RHD: variants seen among roughly 807,000 people sequenced by gnomAD.
The protein encoded by RHD is blood group Rh(D) polypeptide.
In RHD, 16 loss-of-function variants were observed where a neutral mutation model predicts 45.5. The observed-to-expected ratio is 0.35, with a 90% CI of 0.24 to 0.53. RHD has a LOEUF of 0.53. Among genes scored for constraint, RHD ranks in the 20% least tolerant of loss-of-function variants. RHD has a pLI of 0.92. For missense variants in RHD, 306 were observed against 532.0 expected, an observed-to-expected ratio of 0.58 and a Z score of 4.18; for synonymous variants, 131 against 217.5, an observed-to-expected ratio of 0.60 and a Z score of 3.50.
intron 5 of RHD, among the ~76,000 whole-genome samples, chr1:25,303,034 G>A (rs1366842985): frequency 1.5e-5 from 2 of 131,330 alleles, no homozygotes; most frequent in African/African-American, 5.2e-5. Context: ...CCACTAATGA[G>A]TGTGATGGGT....
At chr1:25,319,243 G>T (rs1430480798) in intron 8 of RHD, among the ~76,000 whole-genome samples, 1 of 131,930 alleles carries the variant, frequency 7.6e-6, no homozygotes, top group African/African-American at 2.6e-5. Context: ...GAGAATAGAG[G>T]AAAAGACAAT....
chr1:25,321,385 G>C (rs1644690528), intron 8 of RHD, among the ~76,000 whole-genome samples: 1 of 124,512 alleles, frequency 8.0e-6, no homozygotes, highest in Admixed American at 8.0e-5. Context: ...AATCGGCCAG[G>C]TGTGGTGGCT....
rs1292293621 is a variant in RHD at position 25,277,832 on chromosome 1, G to A, written c.148+5137G>A. ...TGGGATTACAGGCATGCGCCACCAC[G>A]CCCGGCTAATTTTGTATTTTTAGTA... On this transcript the variant is annotated intron_variant, in intron 1 of 9. Transcript: ENST00000328664. Among the ~76,000 whole-genome samples the A allele has an allele frequency of 4.0e-5, 5 of 125,440 alleles. 1 individual carries two copies. Among genetic ancestry groups the A allele is most frequent in the African/African-American group, 1.4e-4 (5 of 36,988 alleles). The allele number at this position is 125,440 out of a possible 152,430, so 82.3% of individuals were successfully genotyped here. A position where few individuals can be genotyped will look rare whatever the true frequency, so the allele number is the denominator to read the frequency against.
At position 25,284,024 on chromosome 1, in the gene RHD, C is replaced by T. The variant is rs1399199186; in HGVS notation, c.149-549C>T. On this transcript the variant is annotated intron_variant, in intron 1 of 9. Transcript: ENST00000328664. ...CTGCCAGCCAGCTCACCAGGTCCCT[C>T]GCAGCAGGCGGCAAAGGGAGGGAGG... is the stretch of plus-strand genomic sequence containing the variant. 3.0e-5 allele frequency among the ~76,000 whole-genome samples: 4 copies of T among 135,008 alleles called. 1 individual carries two copies. The highest frequency in any genetic ancestry group is 1.9e-4 in the East Asian group (1 of 5,162). 88.6% of individuals were successfully genotyped at this position (135,008 alleles called of 152,430 possible). A position where few individuals can be genotyped will look rare whatever the true frequency, so the allele number is the denominator to read the frequency against.
rs1641514717 is a variant in RHD at position 25,281,877 on chromosome 1, C to G, written c.149-2696C>G. ...CCTCCCTTGTCCTCTCTGGCAGACC[C>G]TGGGTATGTGTATGTTTCAATGGAA... On this transcript the variant is annotated intron_variant, in intron 1 of 9. Transcript: ENST00000328664. 1.5e-5 allele frequency among the ~76,000 whole-genome samples: 2 copies of G among 132,526 alleles called. 1 individual carries two copies. The allele number at this position is 132,526 out of a possible 152,430, so 86.9% of individuals were successfully genotyped here. A position where few individuals can be genotyped will look rare whatever the true frequency, so the allele number is the denominator to read the frequency against.
Position 25,277,823 on chromosome 1 carries a change from C to T in RHD, c.148+5128C>T, listed in dbSNP as rs59336189. Among the ~76,000 whole-genome samples the T allele has an allele frequency of 1.3e-3, 155 of 123,946 alleles. 22 individuals carry two copies. Among genetic ancestry groups the T allele is most frequent in the African/African-American group, 3.8e-3 (139 of 36,582 alleles). The allele number at this position is 123,946 out of a possible 152,430, so 81.3% of individuals were successfully genotyped here. ...CCGAGTAGCTGGGATTACAGGCATGCGCCACCACGCCCGGCTAATTTTGTA... is the reference window on the plus strand; with the variant it reads ...CCGAGTAGCTGGGATTACAGGCATGTGCCACCACGCCCGGCTAATTTTGTA... On this transcript the variant is annotated intron_variant, in intron 1 of 9. Transcript: ENST00000328664.
intron 1 of RHD, among the ~76,000 whole-genome samples, chr1:25,282,532 G>A (rs1309978823): frequency 7.6e-6 from 1 of 132,334 alleles, no homozygotes; most frequent in African/African-American, 2.6e-5. Flanking sequence ...TCAACTGGTG[G>A]CAATTTAGTG....
chr1:25,314,061 A>G lies in RHD; in HGVS notation c.1074-2939A>G, dbSNP rs2427762. ...CTCCTATGAACATTCTAGCACTTTT[A>G]TTTTTGGAGCACACGAATGCACTTC... On this transcript the variant is annotated intron_variant, in intron 7 of 9. Transcript: ENST00000328664. 4.5e-5 allele frequency among the ~76,000 whole-genome samples: 6 copies of G among 132,768 alleles called. 1 individual carries two copies. Among genetic ancestry groups the G allele is most frequent in the East Asian group, 3.9e-4 (2 of 5,116 alleles). 87.1% of individuals were successfully genotyped at this position (132,768 alleles called of 152,430 possible).
At chr1:25,321,239 T>C (rs1380288644) in intron 8 of RHD, among the ~76,000 whole-genome samples, 2 of 127,508 alleles carry the variant, frequency 1.6e-5, no homozygotes, top group African/African-American at 5.3e-5. Context: ...AGCCCATATG[T>C]CTTACATGGA....
Position 25,283,512 on chromosome 1 carries a change from C to CGA in RHD, c.149-1059_149-1058dup, listed in dbSNP as rs1557519394. ...TGCCACTGTACTCCAGCCTGGGTGACGAGTGAAACTCTATCTCGATATTAA... is the reference window on the plus strand; with the variant it reads ...TGCCACTGTACTCCAGCCTGGGTGACGAGAGTGAAACTCTATCTCGATATTAA... On this transcript the variant is annotated intron_variant, in intron 1 of 9. Transcript: ENST00000328664. 2.4e-5 allele frequency among the ~76,000 whole-genome samples: 3 copies of CGA among 126,000 alleles called. 1 individual carries two copies. Among genetic ancestry groups the CGA allele is most frequent in the Non-Finnish European group, 5.5e-5 (3 of 54,816 alleles). The allele number at this position is 126,000 out of a possible 152,430, so 82.7% of individuals were successfully genotyped here.
intron 2 of RHD, among the ~76,000 whole-genome samples, chr1:25,286,857 G>A (rs1330192860): frequency 7.4e-6 from 1 of 134,364 alleles, no homozygotes; most frequent in Non-Finnish European, 1.8e-5. Context: ...ACTTTAGGAG[G>A]CCTAGCAGGT....
rs1354000252 is a variant in RHD at position 25,291,623 on chromosome 1, G to T, written c.486+832G>T. 2.3e-5 allele frequency among the ~76,000 whole-genome samples: 3 copies of T among 132,644 alleles called. 1 individual carries two copies. The highest frequency in any genetic ancestry group is 5.3e-5 in the Non-Finnish European group (3 of 56,086). 87.0% of individuals were successfully genotyped at this position (132,644 alleles called of 152,430 possible). On this transcript the variant is annotated intron_variant, in intron 3 of 9. Coordinates refer to ENST00000328664, the MANE Select transcript of RHD (RefSeq NM_016124.6). Reference sequence around the variant, plus strand: ...AATCCTGTAGGATTGTGCTATTCATGATATAATTATGGTTATATAAAAGTA... The same window carrying T: ...AATCCTGTAGGATTGTGCTATTCATTATATAATTATGGTTATATAAAAGTA...
rs866581061 is a variant in RHD, at chr1:25,314,454, G to A, written c.1074-2546G>A. On this transcript the variant is annotated intron_variant, in intron 7 of 9. Transcript: ENST00000328664. ...TTATTGATTTGTAGGAATTCCTTACGTATCCTGGATATGAATCCCACTTTG... is the reference window on the plus strand; with the variant it reads ...TTATTGATTTGTAGGAATTCCTTACATATCCTGGATATGAATCCCACTTTG... Among the ~76,000 whole-genome samples the A allele has an allele frequency of 1.7e-4, 23 of 132,276 alleles. 4 individuals carry two copies. Among genetic ancestry groups the A allele is most frequent in the Admixed American group, 5.2e-4 (7 of 13,570 alleles). The allele number at this position is 132,276 out of a possible 152,430, so 86.8% of individuals were successfully genotyped here. A position where few individuals can be genotyped will look rare whatever the true frequency, so the allele number is the denominator to read the frequency against.
intron 1 of RHD, among the ~76,000 whole-genome samples, chr1:25,281,992 AG>A (rs1641524002): frequency 7.5e-6 from 1 of 132,640 alleles, no homozygotes; most frequent in South Asian, 2.3e-4. Flanking sequence ...TATCAAGGCC[AG>A]GGCTGGAGAC....
At position 25,299,382 on chromosome 1, in the gene RHD, A is replaced by AAAAT. The variant is rs530289550; in HGVS notation, c.487-1546_487-1543dup. Among the ~76,000 whole-genome samples the AAAAT allele has an allele frequency of 3.6e-3, 476 of 130,606 alleles. 68 individuals are homozygous for AAAAT. Among genetic ancestry groups the AAAAT allele is most frequent in the African/African-American group, 0.012 (441 of 37,986 alleles). 85.7% of individuals were successfully genotyped at this position (130,606 alleles called of 152,430 possible). On this transcript the variant is annotated intron_variant, in intron 3 of 9. Transcript: ENST00000328664. ...GGCGACAGAGTGAGACTCCGTCTCA[A>AAAAT]AAATAAATAAATAAATAAATACAAA...
Position 25,273,262 on chromosome 1 carries a change from A to G in RHD, c.148+567A>G, listed in dbSNP as rs1414118067. 2.4e-5 allele frequency among the ~76,000 whole-genome samples: 3 copies of G among 126,034 alleles called. 1 individual carries two copies. Among genetic ancestry groups the G allele is most frequent in the African/African-American group, 8.1e-5 (3 of 37,120 alleles). 82.7% of individuals were successfully genotyped at this position (126,034 alleles called of 152,430 possible). ...GCAATCTTCCCACCTCAGCCTCCCA[A>G]GAAGCTGGGACCACAGGAGGGCACC... is the stretch of plus-strand genomic sequence containing the variant. On this transcript the variant is annotated intron_variant, in intron 1 of 9. Coordinates refer to ENST00000328664, the MANE Select transcript of RHD (RefSeq NM_016124.6).
Position 25,282,925 on chromosome 1 carries a change from G to C in RHD, c.149-1648G>C, listed in dbSNP as rs1194719524. On this transcript the variant is annotated intron_variant, in intron 1 of 9. Coordinates refer to ENST00000328664, the MANE Select transcript of RHD (RefSeq NM_016124.6). ...AAAAATTGTCTACATGCTGGTTGCA[G>C]AAAATTTAAACACTAAAACTAAAAA... Among the ~76,000 whole-genome samples the C allele has an allele frequency of 1.4e-4, 19 of 131,082 alleles. 1 individual carries two copies. The highest frequency in any genetic ancestry group is 4.9e-4 in the African/African-American group (19 of 38,554). The allele number at this position is 131,082 out of a possible 152,430, so 86.0% of individuals were successfully genotyped here.
At chr1:25,289,073 T>A (rs1417936575) in intron 2 of RHD, among the ~76,000 whole-genome samples, 1 of 132,512 alleles carries the variant, frequency 7.5e-6, no homozygotes, top group African/African-American at 2.6e-5. Flanking sequence ...CCAGCTGGAT[T>A]TGAACCTCAC....
Position 25,288,270 on chromosome 1 carries a change from G to A in RHD, c.336-2371G>A, listed in dbSNP as rs1159243587. Among the ~76,000 whole-genome samples the A allele has an allele frequency of 8.4e-5, 11 of 130,764 alleles. 3 individuals carry two copies. Among genetic ancestry groups the A allele is most frequent in the Non-Finnish European group, 1.6e-4 (9 of 55,282 alleles). The allele number at this position is 130,764 out of a possible 152,430, so 85.8% of individuals were successfully genotyped here. Reference sequence around the variant, plus strand: ...TGGGCTCAAGTGATCTGCCCACCTCGGCTCTGAAAAGTACTGGAATTACAG... The same window carrying A: ...TGGGCTCAAGTGATCTGCCCACCTCAGCTCTGAAAAGTACTGGAATTACAG... On this transcript the variant is annotated intron_variant, in intron 2 of 9. Coordinates refer to ENST00000328664, the MANE Select transcript of RHD (RefSeq NM_016124.6).
Sources: gnomAD v4.1 joint callset for allele counts (sites outside exome capture counted in the v4.1 genomes callset) on GRCh38, gnomAD v4.1.1 for gene constraint, MANE v1.5 for transcripts, NCBI Gene and HGNC (gene_info 2026-07-23, HGNC 2026-07-21) for gene names.